KCNIP4: variants seen among roughly 807,000 people sequenced by gnomAD.
KCNIP4 encodes Kv channel-interacting protein 4.
In KCNIP4, 12 loss-of-function variants were observed where a neutral mutation model predicts 34.0. The observed-to-expected ratio is 0.35, with a 90% CI of 0.23 to 0.57. KCNIP4 has a LOEUF of 0.57. Ranked by LOEUF, KCNIP4 falls within the 20% of genes least tolerant of loss-of-function variation. KCNIP4 has a pLI of 0.83. For synonymous variants in KCNIP4, 124 were observed against 102.2 expected, an observed-to-expected ratio of 1.21 and a Z score of -1.29; for missense variants, 238 against 311.7, an observed-to-expected ratio of 0.76 and a Z score of 1.78.
intron 1 of KCNIP4, among the ~76,000 whole-genome samples, chr4:21,172,364 T>C (rs1038121214): frequency 6.6e-6 from 1 of 152,186 alleles, no homozygotes; most frequent in Non-Finnish European, 1.5e-5. Context: ...TTAATCCATT[T>C]AATACTGATA....
intron 1 of KCNIP4, among the ~76,000 whole-genome samples, chr4:21,622,353 T>A (rs1745048167): frequency 6.6e-6 from 1 of 152,172 alleles, no homozygotes; most frequent in Non-Finnish European, 1.5e-5. Context: ...AGTTTTTCCA[T>A]GTGTTTTCTC....
intron 1 of KCNIP4, among the ~76,000 whole-genome samples, chr4:21,687,906 TCAAA>T (rs944573240): frequency 6.6e-6 from 1 of 152,056 alleles, no homozygotes; most frequent in African/African-American, 2.4e-5. Context: ...AACTGTGTAG[TCAAA>T]CAAAGACGTA....
At position 21,315,864 on chromosome 4, in the gene KCNIP4, A is replaced by G. The variant is rs1264398184; in HGVS notation, c.62-433155T>C. ...CGATTTTCAGTGGTATTTTGCTGGT[A>G]TATTTCATTTTGCAGAATGAAATCC... On this transcript the variant is annotated intron_variant, in intron 1 of 8. Transcript: ENST00000382152. Among the ~76,000 whole-genome samples the G allele has an allele frequency of 2.6e-5, 4 of 152,174 alleles. No individual in the cohort carries two copies. The South Asian group carries it at 6.2e-4, about 24-fold the overall frequency.
chr4:21,786,396 C>T (rs946885954), intron 1 of KCNIP4, among the ~76,000 whole-genome samples: 1 of 152,200 alleles, frequency 6.6e-6, no homozygotes, highest in African/African-American at 2.4e-5. Context: ...TTATCTCTCT[C>T]CATTTTTGCC....
chr4:21,441,386 G>T (rs571869498), intron 1 of KCNIP4, among the ~76,000 whole-genome samples: 1 of 151,622 alleles, frequency 6.6e-6, no homozygotes, highest in African/African-American at 2.4e-5. Flanking sequence ...CTCGTGATCC[G>T]CCCGTCTCGG....
At chr4:21,837,784 T>C (rs1723443285) in intron 1 of KCNIP4, among the ~76,000 whole-genome samples, 1 of 152,112 alleles carries the variant, frequency 6.6e-6, no homozygotes. Flanking sequence ...GAAAATTTTA[T>C]AAATTGGAGT....
At chr4:20,790,788 G>A (rs956925429) in intron 3 of KCNIP4, among the ~76,000 whole-genome samples, 1 of 152,094 alleles carries the variant, frequency 6.6e-6, no homozygotes. Context: ...GCAGTAAGTT[G>A]GAGAATAGAC....
chr4:21,199,935 G>GA (rs1420504844), intron 1 of KCNIP4, among the ~76,000 whole-genome samples: 1 of 151,986 alleles, frequency 6.6e-6, no homozygotes, highest in Non-Finnish European at 1.5e-5. Flanking sequence ...GCAAACTATT[G>GA]CAAGAACAAA....
At chr4:21,922,550 T>C (rs911899391) in intron 1 of KCNIP4, among the ~76,000 whole-genome samples, 1 of 152,200 alleles carries the variant, frequency 6.6e-6, no homozygotes, top group Non-Finnish European at 1.5e-5. Context: ...TAATTCTTTA[T>C]TCATTCAATC....
At chr4:21,336,934 G>A (rs965026153) in intron 1 of KCNIP4, among the ~76,000 whole-genome samples, 1 of 151,996 alleles carries the variant, frequency 6.6e-6, no homozygotes, top group African/African-American at 2.4e-5. Context: ...ACAGCACACA[G>A]GATCTAAATA....
At chr4:21,568,993 T>C (rs1740139590) in intron 1 of KCNIP4, among the ~76,000 whole-genome samples, 1 of 151,858 alleles carries the variant, frequency 6.6e-6, no homozygotes. Context: ...CACCAGATAC[T>C]AGGGAAGAGG....
At chr4:21,482,020 A>G (rs1313767394) in intron 1 of KCNIP4, among the ~76,000 whole-genome samples, 1 of 151,992 alleles carries the variant, frequency 6.6e-6, no homozygotes, top group Non-Finnish European at 1.5e-5. Context: ...TATATTTAGG[A>G]TAGTTAGCTC....
chr4:21,053,728 T>C (rs1220495852), intron 1 of KCNIP4, among the ~76,000 whole-genome samples: 1 of 152,142 alleles, frequency 6.6e-6, no homozygotes, highest in African/African-American at 2.4e-5. Flanking sequence ...AATGAACATA[T>C]AGAATTTGAA....
intron 1 of KCNIP4, among the ~76,000 whole-genome samples, chr4:21,440,597 G>A (rs541659847): frequency 2.4e-4 from 36 of 152,272 alleles, no homozygotes; most frequent in Admixed American, 3.3e-4. Flanking sequence ...AAAATTGGGC[G>A]TCCGCCGGAT....
At chr4:21,372,033 A>T (rs1177956059) in intron 1 of KCNIP4, among the ~76,000 whole-genome samples, 1 of 147,306 alleles carries the variant, frequency 6.8e-6, no homozygotes, top group Non-Finnish European at 1.5e-5. Context: ...ATAAGCCACA[A>T]TGTGCTAGAA....
At chr4:21,182,339 C>T (rs1754897777) in intron 1 of KCNIP4, among the ~76,000 whole-genome samples, 1 of 152,112 alleles carries the variant, frequency 6.6e-6, no homozygotes, top group Non-Finnish European at 1.5e-5. Flanking sequence ...TAGGTCTCTT[C>T]AGGGGGACTG....
At chr4:21,360,916 C>A (rs1719150938) in intron 1 of KCNIP4, among the ~76,000 whole-genome samples, 1 of 152,048 alleles carries the variant, frequency 6.6e-6, no homozygotes, top group African/African-American at 2.4e-5. Flanking sequence ...AGTTTCAAGT[C>A]CACAAATCCA....
At chr4:20,760,229 A>G (rs930423374) in intron 3 of KCNIP4, among the ~76,000 whole-genome samples, 4 of 152,130 alleles carry the variant, frequency 2.6e-5, no homozygotes, top group South Asian at 4.2e-4. Flanking sequence ...TAGTTGTCAC[A>G]GCACTCCCAC....
At chr4:20,809,642 C>G (rs1380448284) in intron 3 of KCNIP4, among the ~76,000 whole-genome samples, 2 of 152,194 alleles carry the variant, frequency 1.3e-5, no homozygotes, top group East Asian at 3.9e-4. Flanking sequence ...ATGTCAATTA[C>G]TGTCATTCTG....
Sources: gnomAD v4.1 joint callset for allele counts (sites outside exome capture counted in the v4.1 genomes callset) on GRCh38, gnomAD v4.1.1 for gene constraint, MANE v1.5 for transcripts, NCBI Gene and HGNC (gene_info 2026-07-23, HGNC 2026-07-21) for gene names.